The following PITPNM2 variants were observed in gnomAD, a reference collection of about 807,000 sequenced individuals.
The protein encoded by PITPNM2 is phosphatidylinositol transfer protein membrane associated 2, also known as membrane-associated phosphatidylinositol transfer protein 2.
Under a neutral mutation model 132.2 loss-of-function variants are expected in PITPNM2, and 35 were observed. That is an observed-to-expected ratio of 0.26 (90% CI 0.20 to 0.35). The LOEUF is 0.35. PITPNM2 is among the 10% of genes least tolerant of loss of function. PITPNM2 has a pLI of 1.00. For missense variants in PITPNM2, 1,332 were observed against 1,912.0 expected (o/e 0.70, Z 5.66); for synonymous variants, 738 against 799.2 (o/e 0.92, Z 1.29).
At chr12:123,006,050 G>T (rs1186140619) in intron 6 of PITPNM2, 1 of 153,100 alleles carries the variant, frequency 6.5e-6, no homozygotes, top group Non-Finnish European at 1.5e-5. Flanking sequence ...GTTTAAGCCT[G>T]CAGTGAGCTA....
At position 122,995,590 on chromosome 12, in the gene PITPNM2, C is replaced by T. The variant is rs770992447; in HGVS notation, c.1853G>A (p.Gly618Asp). The change falls in exon 14 of 26, where the codon GGT becomes GAT. Residue 618 changes from glycine to aspartate, a missense_variant. Gly to Asp is a moderately conservative substitution (Grantham distance 94). Coordinates refer to ENST00000320201, the MANE Select transcript of PITPNM2 (RefSeq NM_020845.3). The stretch of plus-strand genomic sequence containing the variant: ...ACCACCACTGCTGCCACCACCGCCA[C>T]CGCCGCCACCGCCACCACCGCAGCA... ...AHCCGGGGGG[G>D]GGGGSSGGGG... The T allele has an allele frequency of 3.7e-6, 6 of 1,604,706 alleles. No individual in the cohort carries two copies. The highest frequency in any genetic ancestry group is 4.2e-6 in the Non-Finnish European group (5 of 1,179,248).
intron 6 of PITPNM2, among the ~76,000 whole-genome samples, chr12:123,007,802 C>G (rs1175365424): frequency 6.6e-6 from 1 of 152,132 alleles, no homozygotes; most frequent in Admixed American, 6.5e-5. Context: ...ACCGGAAGGG[C>G]TGGGACATGC....
chr12:123,012,360 G>A (rs1385270898), intron 5 of PITPNM2, among the ~76,000 whole-genome samples: 8 of 152,348 alleles, frequency 5.3e-5, no homozygotes, highest in African/African-American at 1.2e-4. Flanking sequence ...TAGGGATCCC[G>A]CAAAGGGATG....
chr12:122,986,888 C>T (rs2037959105), intron 23 of PITPNM2, 59 bp from the exon 24 acceptor site: 1 of 1,518,596 alleles, frequency 6.6e-7, no homozygotes, highest in South Asian at 1.2e-5. Context: ...CTCCCTGTCT[C>T]CTGCCCAGCC....
intron 2 of PITPNM2, among the ~76,000 whole-genome samples, chr12:123,038,204 G>C (rs964965537): frequency 1.3e-5 from 2 of 152,254 alleles, no homozygotes; most frequent in Non-Finnish European, 2.9e-5. Context: ...AAGAGCTGTA[G>C]AGGTAAGTAA....
chr12:123,128,290 A>G (rs1043717925), intron 1 of PITPNM2, among the ~76,000 whole-genome samples: 1 of 138,516 alleles, frequency 7.2e-6, no homozygotes, highest in Non-Finnish European at 1.5e-5. Flanking sequence ...AAAAAAAAAA[A>G]AAAAAAAAAA....
intron 1 of PITPNM2, among the ~76,000 whole-genome samples, chr12:123,128,971 C>G (rs934790993): frequency 6.6e-6 from 1 of 151,980 alleles, no homozygotes; most frequent in African/African-American, 2.4e-5. Context: ...CCCGTCTTTA[C>G]TAAAAATACA....
At chr12:123,149,430 C>A (rs1954844062) in intron 1 of PITPNM2, among the ~76,000 whole-genome samples, 3 of 152,316 alleles carry the variant, frequency 2.0e-5, no homozygotes, top group East Asian at 1.9e-4. Context: ...ATTCCAACCA[C>A]AGAATACAGT....
intron 20 of PITPNM2, 132 bp from the exon 21 acceptor site, chr12:122,988,033 C>G: frequency 4.2e-6 from 4 of 955,016 alleles, no homozygotes; most frequent in Non-Finnish European, 6.5e-6. Flanking sequence ...GAGTCTGGAT[C>G]AGACACGATG....
intron 3 of PITPNM2, 70 bp from the exon 4 acceptor site, chr12:123,014,112 G>C: frequency 6.5e-7 from 1 of 1,527,986 alleles, no homozygotes; most frequent in Non-Finnish European, 9.0e-7. Flanking sequence ...GGGCACAGGA[G>C]ACTGGGCCCA....
In PITPNM2 at chr12:122,987,477, C is replaced by T. The variant is rs755161968; in HGVS notation, c.3263+34G>A. ...CATCAGAACCACCCAGAGCCTCGCC[C>T]TGCCTATCCCGCCCTCCCAGTGCAG... On this transcript the variant is annotated intron_variant, in intron 22 of 25. Transcript: ENST00000320201. The T allele has an allele frequency of 8.7e-6, 14 of 1,611,068 alleles. No homozygotes were observed. In the East Asian group the frequency reaches 2.7e-4, roughly 31 times the overall value.
chr12:123,031,666 A>G lies in PITPNM2; in HGVS notation c.78+2847T>C, dbSNP rs1321543730. On this transcript the variant is annotated intron_variant, in intron 3 of 25. Transcript: ENST00000320201. This position sits in a 1 kb window ranked among gnomAD's most constrained non-coding sequence, Gnocchi z 4.5. ...ACACCCCCAGCCTCAAGGCCTGCCC[A>G]GAGGAGAGCTGCCCAGCCAGCCAGC... Among the ~76,000 whole-genome samples the G allele has an allele frequency of 6.6e-6, 1 of 152,172 alleles. No individual in the cohort carries two copies. The highest frequency in any genetic ancestry group is 1.5e-5 in the Non-Finnish European group (1 of 68,032).
rs144000910 is a variant in PITPNM2, at chr12:123,102,373, G to T, written c.-96+8012C>A. 2.6e-5 allele frequency among the ~76,000 whole-genome samples: 4 copies of T among 152,390 alleles called. No homozygotes were observed. In the East Asian group the frequency reaches 7.7e-4, roughly 29 times the overall value. On this transcript the variant is annotated intron_variant, in intron 2 of 25. Coordinates refer to ENST00000320201, the MANE Select transcript of PITPNM2 (RefSeq NM_020845.3). Reference sequence around the variant, plus strand: ...GACATGCCCACCAGAGCAAAGGGCAGTTGAGAATGGTCTCCTGGGGCAGCC... The same window carrying T: ...GACATGCCCACCAGAGCAAAGGGCATTTGAGAATGGTCTCCTGGGGCAGCC...
At chr12:122,996,414 G>C in intron 13 of PITPNM2, 44 bp downstream of exon 13, 1 of 1,608,796 alleles carries the variant, frequency 6.2e-7, no homozygotes, top group African/African-American at 1.3e-5. Flanking sequence ...GGGCGTGCAG[G>C]AGGCTTCAGG....
In PITPNM2 at chr12:122,987,272, G is replaced by T; in HGVS notation, c.3413+9C>A. 1 of 1,611,214 alleles carries T rather than the reference G, an allele frequency of 6.2e-7. No individual in the cohort carries two copies. The highest frequency in any genetic ancestry group is 8.5e-7 in the Non-Finnish European group (1 of 1,179,878). ...CTACAGCCCCTTTGTGCCCCTCTGG[G>T]CCACTCACCGCACCACGTCCACGGC... is the stretch of plus-strand genomic sequence containing the variant. On this transcript the variant is annotated intron_variant, in intron 23 of 25. Coordinates refer to ENST00000320201, the MANE Select transcript of PITPNM2 (RefSeq NM_020845.3).
At chr12:122,997,302 A>T (rs765203997) in intron 11 of PITPNM2, 23 bp downstream of exon 11, 22 of 1,611,308 alleles carry the variant, frequency 1.4e-5, no homozygotes, top group African/African-American at 6.7e-5. Context: ...CGGAGGCTGC[A>T]ATCAAGGGCA....
chr12:123,021,029 CAAAAAA>C (rs910751492), intron 3 of PITPNM2, among the ~76,000 whole-genome samples: 43 of 25,264 alleles, frequency 1.7e-3, no homozygotes, highest in Non-Finnish European at 2.5e-3. Context: ...AATTCCATCT[CAAAAAA>C]AAAAAAAAAA....
In PITPNM2 at chr12:123,052,028, G is replaced by A. The variant is rs545825024; in HGVS notation, c.-95-17343C>T. Among the ~76,000 whole-genome samples the A allele has an allele frequency of 1.7e-3, 262 of 150,708 alleles. 1 individual carries two copies. Among genetic ancestry groups the A allele is most frequent in the Admixed American group, 5.3e-3 (80 of 15,112 alleles). The stretch of plus-strand genomic sequence containing the variant: ...AGCAAGTCTCCTGCCTCAGCCTCCC[G>A]GGTAGTTGAGATTACAGGCACATAC... On this transcript the variant is annotated intron_variant, in intron 2 of 25. Transcript: ENST00000320201.
At chr12:122,988,449 G>C in intron 19 of PITPNM2, 99 bp from the exon 20 acceptor site, 1 of 1,038,258 alleles carries the variant, frequency 9.6e-7, no homozygotes, top group Non-Finnish European at 1.5e-6. Flanking sequence ...AGAGGAGCCT[G>C]TGGGTTGTAG....
Sources: allele counts gnomAD v4.1 joint callset (sites outside exome capture counted in the v4.1 genomes callset), GRCh38; gene constraint gnomAD v4.1.1; non-coding constraint Gnocchi (gnomAD v3.1); transcripts MANE v1.5; gene names NCBI Gene and HGNC (gene_info 2026-07-23, HGNC 2026-07-21).